The following DLGAP2 variants were observed in gnomAD, a reference collection of about 807,000 sequenced individuals.
DLGAP2 encodes the protein disks large-associated protein 2.
In DLGAP2, 26 loss-of-function variants were observed where a neutral mutation model predicts 100.3. The observed-to-expected ratio is 0.26, with a 90% CI of 0.19 to 0.36. DLGAP2 has a LOEUF of 0.36. DLGAP2 is among the 10% of genes least tolerant of loss of function. The probability of loss-of-function intolerance (pLI) is 1.00; values close to 1 mark genes in which losing one functional copy is unlikely to be tolerated. For synonymous variants in DLGAP2, 886 were observed against 630.1 expected, an observed-to-expected ratio of 1.41 and a Z score of -6.08; for missense variants, 1,858 against 1,453.2, an observed-to-expected ratio of 1.28 and a Z score of -4.53.
chr8:1,346,958 A>G (rs1227636328), intron 3 of DLGAP2, among the ~76,000 whole-genome samples: 636 of 67,980 alleles, frequency 9.4e-3, no homozygotes, highest in Middle Eastern at 0.056. Flanking sequence ...GCTCTGTGGA[A>G]GTTGAGTTCC....
chr8:924,703 C>T (rs574427606), intron 2 of DLGAP2, among the ~76,000 whole-genome samples: 323 of 152,176 alleles, frequency 2.1e-3, no homozygotes, highest in Non-Finnish European at 1.2e-3. Flanking sequence ...CTGCCTCAGC[C>T]TCCTGAGTAG....
chr8:852,889 GCCGATT>G (rs1260447586), intron 1 of DLGAP2, among the ~76,000 whole-genome samples: 1 of 151,424 alleles, frequency 6.6e-6, no homozygotes, highest in African/African-American at 2.4e-5. Flanking sequence ...GGATCCCCTG[GCCGATT>G]CCGTTATTTC....
intron 1 of DLGAP2, among the ~76,000 whole-genome samples, chr8:810,492 C>T (rs940330459): frequency 1.3e-5 from 2 of 152,128 alleles, no homozygotes; most frequent in African/African-American, 4.8e-5. Context: ...TGTTTGCCAC[C>T]TATTGTTTTC....
At chr8:1,477,745 C>T (rs1192341897) in intron 3 of DLGAP2, among the ~76,000 whole-genome samples, 16 of 151,418 alleles carry the variant, frequency 1.1e-4, no homozygotes, top group Admixed American at 1.1e-3. Context: ...TTCATAGACT[C>T]AGAGCCCACA....
chr8:1,233,072 G>A (rs918900720), intron 2 of DLGAP2, among the ~76,000 whole-genome samples: 15 of 152,154 alleles, frequency 9.9e-5, no homozygotes, highest in African/African-American at 3.6e-4. Flanking sequence ...TTAGCACCAC[G>A]TGTTCAAGTT....
chr8:1,416,824 TCTC>T, intron 3 of DLGAP2, among the ~76,000 whole-genome samples: 1 of 152,290 alleles, frequency 6.6e-6, no homozygotes, highest in Non-Finnish European at 1.5e-5. Flanking sequence ...CTTTTCTGTC[TCTC>T]CTCAGACATT....
At chr8:1,456,934 T>C (rs981502743) in intron 3 of DLGAP2, among the ~76,000 whole-genome samples, 10 of 152,062 alleles carry the variant, frequency 6.6e-5, no homozygotes, top group Non-Finnish European at 1.0e-4. Flanking sequence ...GAGCGGTCTC[T>C]CAGTGACAAC....
intron 3 of DLGAP2, among the ~76,000 whole-genome samples, chr8:1,439,000 A>G (rs926083810): frequency 1.3e-5 from 2 of 152,246 alleles, no homozygotes; most frequent in African/African-American, 2.4e-5. Flanking sequence ...TTATGAAGAA[A>G]CAAAGCTTAT....
intron 2 of DLGAP2, among the ~76,000 whole-genome samples, chr8:1,236,268 G>C (rs1467481493): frequency 0.014 from 391 of 28,640 alleles, no homozygotes; most frequent in Non-Finnish European, 0.016. Context: ...ACATGGTGCC[G>C]TTTCTAGTTC....
chr8:1,572,978 A>AG (rs1359019886), intron 6 of DLGAP2, among the ~76,000 whole-genome samples: 2 of 115,030 alleles, frequency 1.7e-5, no homozygotes, highest in African/African-American at 3.5e-5. Flanking sequence ...GAGAGGAGAG[A>AG]GGGTGAACTG....
At chr8:1,124,075 C>T (rs529879348) in intron 2 of DLGAP2, among the ~76,000 whole-genome samples, 2 of 152,206 alleles carry the variant, frequency 1.3e-5, no homozygotes, top group Admixed American at 6.5e-5. Flanking sequence ...ACTGTCCTGG[C>T]ACCGTGAATG....
At chr8:1,111,907 T>C (rs1410338903) in intron 2 of DLGAP2, among the ~76,000 whole-genome samples, 1 of 152,224 alleles carries the variant, frequency 6.6e-6, no homozygotes, top group Admixed American at 6.5e-5. Flanking sequence ...TTTATATTCC[T>C]CTGGATATAT....
At chr8:1,647,708 G>A (rs901964994) in intron 8 of DLGAP2, among the ~76,000 whole-genome samples, 3 of 152,068 alleles carry the variant, frequency 2.0e-5, no homozygotes, top group African/African-American at 7.2e-5. Context: ...GAGGCTGCAG[G>A]AGCTGCCAGT....
intron 1 of DLGAP2, among the ~76,000 whole-genome samples, chr8:837,583 C>T (rs1332389261): frequency 6.6e-6 from 1 of 151,938 alleles, no homozygotes; most frequent in African/African-American, 2.4e-5. Flanking sequence ...GTGCTCAGGC[C>T]GCAGGCAGCG....
At chr8:1,175,476 A>G (rs1023319713) in intron 2 of DLGAP2, among the ~76,000 whole-genome samples, 3 of 152,214 alleles carry the variant, frequency 2.0e-5, no homozygotes, top group African/African-American at 4.8e-5. Context: ...TTTGATCACT[A>G]ATATATGTAC....
At chr8:1,048,301 C>T (rs1489386276) in intron 2 of DLGAP2, among the ~76,000 whole-genome samples, 3 of 152,122 alleles carry the variant, frequency 2.0e-5, no homozygotes, top group Non-Finnish European at 2.9e-5. Context: ...CCCCAAGGCT[C>T]ACAGACATGC....
chr8:1,603,898 A>G (rs907586287), intron 6 of DLGAP2, among the ~76,000 whole-genome samples: 4 of 152,092 alleles, frequency 2.6e-5, no homozygotes, highest in African/African-American at 9.7e-5. Flanking sequence ...ATTCCATGCA[A>G]ATTACTAAAC....
At chr8:1,371,737 CAT>C (rs902966092) in intron 3 of DLGAP2, among the ~76,000 whole-genome samples, 1 of 152,190 alleles carries the variant, frequency 6.6e-6, no homozygotes, top group African/African-American at 2.4e-5. Flanking sequence ...TTTTAGCTCA[CAT>C]GTCATCGCCA....
intron 4 of DLGAP2, among the ~76,000 whole-genome samples, chr8:1,508,058 G>A (rs1356408941): frequency 6.6e-6 from 1 of 151,842 alleles, no homozygotes; most frequent in Non-Finnish European, 1.5e-5. Context: ...AAGCTCACCA[G>A]GGCACACTGC....
Sources: gnomAD v4.1 joint callset for allele counts (sites outside exome capture counted in the v4.1 genomes callset) on GRCh38, gnomAD v4.1.1 for gene constraint, MANE v1.5 for transcripts, NCBI Gene and HGNC (gene_info 2026-07-23, HGNC 2026-07-21) for gene names.